Variants in INSIG1 observed in about 807,000 individuals in gnomAD.
INSIG1 encodes the protein insulin-induced gene 1 protein.
A neutral mutation model predicts 26.5 loss-of-function variants in INSIG1; 14 were observed. That is an observed-to-expected ratio of 0.53 (90% CI 0.35 to 0.83). The LOEUF (loss-of-function observed/expected upper bound fraction) is 0.83, where lower values mean the gene tolerates loss of function less well. INSIG1 is among the 40% of genes least tolerant of loss of function. The pLI, the probability that INSIG1 is intolerant of heterozygous loss-of-function variation, is 0.01. For missense variants in INSIG1, 272 were observed against 368.9 expected (o/e 0.74, Z 2.15); for synonymous variants, 147 against 153.3 (o/e 0.96, Z 0.30).
At position 155,302,610 on chromosome 7, in the gene INSIG1, C is replaced by A; in HGVS notation, c.705-137C>A. 1.1e-6 allele frequency: 1 copy of A among 889,822 alleles called. No individual in the cohort carries two copies. Among genetic ancestry groups the A allele is most frequent in the Non-Finnish European group, 1.7e-6 (1 of 572,618 alleles). 55.1% of individuals were successfully genotyped at this position (889,822 alleles called of 1,614,324 possible). The stretch of plus-strand genomic sequence containing the variant: ...AAGGAAAACCAAGTAGTAGCAGTTA[C>A]AACCAAACAAATATGAACATTCGTA... On this transcript the variant is annotated intron_variant, in intron 4 of 5. Coordinates refer to ENST00000340368, the MANE Select transcript of INSIG1 (RefSeq NM_005542.6). The surrounding 1 kb of genome is among the most constrained non-coding windows in gnomAD (Gnocchi z 4.3).
Position 155,308,450 on chromosome 7 carries a change from A to G in INSIG1, c.*180A>G, listed in dbSNP as rs1255463072. The G allele has an allele frequency of 1.3e-6, 1 of 744,906 alleles. No individual in the cohort carries two copies. The highest frequency in any genetic ancestry group is 2.3e-6 in the Non-Finnish European group (1 of 425,752). The allele number at this position is 744,906 out of a possible 1,614,324, so 46.1% of individuals were successfully genotyped here. A position where few individuals can be genotyped will look rare whatever the true frequency, so the allele number is the denominator to read the frequency against. ...ATAGGGAGGTGGAGAATGATGACTT[A>G]CCCTGAAGTCTTCCCTTGACTGCCC... On this transcript the variant is annotated 3_prime_UTR_variant, in exon 6 of 6. Coordinates refer to ENST00000340368, the MANE Select transcript of INSIG1 (RefSeq NM_005542.6).
intron 2 of INSIG1, among the ~76,000 whole-genome samples, chr7:155,299,515 G>C (rs939866157): frequency 1.3e-5 from 2 of 152,170 alleles, no homozygotes; most frequent in Admixed American, 6.5e-5. Flanking sequence ...TAACGAGCTT[G>C]TCGGGTGCTT....
At chr7:155,305,098 A>C (rs1797901655) in intron 5 of INSIG1, among the ~76,000 whole-genome samples, 1 of 148,284 alleles carries the variant, frequency 6.7e-6, no homozygotes, top group Non-Finnish European at 1.5e-5. Flanking sequence ...ATGAGCCGAG[A>C]TTGTGCCACT....
At position 155,302,688 on chromosome 7, in the gene INSIG1, A is replaced by T; in HGVS notation, c.705-59A>T. ...ATATCCCCACTACAGAGAATCTGTGATGTAGAATTGAGCCAGGTGAAATTG... is the reference window on the plus strand; with the variant it reads ...ATATCCCCACTACAGAGAATCTGTGTTGTAGAATTGAGCCAGGTGAAATTG... On this transcript the variant is annotated intron_variant, in intron 4 of 5. Transcript: ENST00000340368. This position sits in a 1 kb window ranked among gnomAD's most constrained non-coding sequence, Gnocchi z 4.3. 8.7e-7 allele frequency: 1 copy of T among 1,153,238 alleles called. No individual in the cohort carries two copies. The highest frequency in any genetic ancestry group is 1.2e-5 in the South Asian group (1 of 80,910). The allele number at this position is 1,153,238 out of a possible 1,614,324, so 71.4% of individuals were successfully genotyped here. A position where few individuals can be genotyped will look rare whatever the true frequency, so the allele number is the denominator to read the frequency against.
chr7:155,299,662 A>AT (rs1188773280), intron 2 of INSIG1, among the ~76,000 whole-genome samples: 5 of 152,248 alleles, frequency 3.3e-5, no homozygotes, highest in African/African-American at 7.2e-5. Context: ...TGCAGGGAGC[A>AT]TCCTGTTTGC....
At position 155,302,280 on chromosome 7, in the gene INSIG1, G is replaced by T; in HGVS notation, c.567G>T (p.Leu189=). Residue 189 remains leucine, a synonymous_variant, in exon 4 of 6, where the codon CTG becomes CTT. Transcript: ENST00000340368. This position sits in a 1 kb window ranked among gnomAD's most constrained non-coding sequence, Gnocchi z 4.3. ...TGGATTTTGCCAATAATGTCCAGCT[G>T]TCCTTGACTTTAGCAGCCCTATCTT... The part of the protein sequence containing the change: ...AKLDFANNVQ[L]SLTLAALSLG... 1 of 1,595,482 alleles carries T rather than the reference G, an allele frequency of 6.3e-7. No individual in the cohort carries two copies. The highest frequency in any genetic ancestry group is 1.4e-5 in the African/African-American group (1 of 73,868).
At chr7:155,301,091 G>A (rs190139364) in intron 2 of INSIG1, among the ~76,000 whole-genome samples, 1 of 152,196 alleles carries the variant, frequency 6.6e-6, no homozygotes, top group Non-Finnish European at 1.5e-5. Context: ...ATCTCATCAC[G>A]TGCCCAGCCC....
intron 5 of INSIG1, among the ~76,000 whole-genome samples, chr7:155,304,404 C>T (rs190679083): frequency 1.8e-4 from 27 of 152,266 alleles, no homozygotes; most frequent in South Asian, 1.2e-3. Flanking sequence ...ATTTTTGTTT[C>T]GGTACTCTTT....
chr7:155,300,105 A>C (rs1048354586), intron 2 of INSIG1, among the ~76,000 whole-genome samples: 2 of 152,200 alleles, frequency 1.3e-5, no homozygotes. Flanking sequence ...TTTGAGAACT[A>C]TATCTAGATT....
At chr7:155,304,454 C>G (rs1393401472) in intron 5 of INSIG1, among the ~76,000 whole-genome samples, 3 of 152,168 alleles carry the variant, frequency 2.0e-5, no homozygotes, top group Admixed American at 6.5e-5. Flanking sequence ...ATAAAATTGT[C>G]CTCAACCAGA....
chr7:155,308,196 A>T, intron 5 of INSIG1, 45 bp from the exon 6 acceptor site: 1 of 943,836 alleles, frequency 1.1e-6, no homozygotes, highest in Non-Finnish European at 1.7e-6. Context: ...TTATACATTT[A>T]GTGCTAATTT....
chr7:155,302,298 C>A lies in INSIG1; in HGVS notation c.585C>A (p.Ala195=). The change falls in exon 4 of 6, where the codon GCC becomes GCA. Residue 195 remains alanine (A), a synonymous_variant. Transcript: ENST00000340368. This position sits in a 1 kb window ranked among gnomAD's most constrained non-coding sequence, Gnocchi z 4.3. ...NNVQLSLTLA[A]LSLGLWWTFD... ...TCCAGCTGTCCTTGACTTTAGCAGCCCTATCTTTGGGCCTTTGGTGGACAT... is the reference window on the plus strand; with the variant it reads ...TCCAGCTGTCCTTGACTTTAGCAGCACTATCTTTGGGCCTTTGGTGGACAT... 6.2e-7 allele frequency: 1 copy of A among 1,604,014 alleles called. No homozygotes were observed. Among genetic ancestry groups the A allele is most frequent in the Non-Finnish European group, 8.5e-7 (1 of 1,175,866 alleles).
At chr7:155,305,971 G>A (rs997231479) in intron 5 of INSIG1, among the ~76,000 whole-genome samples, 3 of 152,072 alleles carry the variant, frequency 2.0e-5, no homozygotes, top group African/African-American at 4.8e-5. Flanking sequence ...AGCCTGTTAC[G>A]GTTTTTTTGT....
Position 155,302,526 on chromosome 7 carries a change from A to G in INSIG1, c.704+109A>G, listed in dbSNP as rs967644581. ...TTTTATTTGTTTTTTATATAGAATGATACAGATTTAGGCATGAAATTCTCA... is the reference window on the plus strand; with the variant it reads ...TTTTATTTGTTTTTTATATAGAATGGTACAGATTTAGGCATGAAATTCTCA... On this transcript the variant is annotated intron_variant, in intron 4 of 5. Coordinates refer to ENST00000340368, the MANE Select transcript of INSIG1 (RefSeq NM_005542.6). This position sits in a 1 kb window ranked among gnomAD's most constrained non-coding sequence, Gnocchi z 4.3. 2 of 1,204,268 alleles carry G rather than the reference A, an allele frequency of 1.7e-6. No individual in the cohort carries two copies. Among genetic ancestry groups the G allele is most frequent in the South Asian group, 3.4e-5 (2 of 58,406 alleles). 74.6% of individuals were successfully genotyped at this position (1,204,268 alleles called of 1,614,324 possible).
chr7:155,310,148 A>G lies in INSIG1; in HGVS notation c.*1878A>G, dbSNP rs559973880. The G allele has an allele frequency of 6.5e-6, 1 of 152,778 alleles. No individual in the cohort carries two copies. Among genetic ancestry groups the G allele is most frequent in the South Asian group, 2.1e-4 (1 of 4,828 alleles). 9.5% of individuals were successfully genotyped at this position (152,778 alleles called of 1,614,324 possible). A position where few individuals can be genotyped will look rare whatever the true frequency, so the allele number is the denominator to read the frequency against. On this transcript the variant is annotated 3_prime_UTR_variant, in exon 6 of 6. Transcript: ENST00000340368. ...AATTTGCACTCTACCAGATTTGAAC[A>G]TCTAGTGAGGTTCACATTCATACTA...
chr7:155,299,115 C>T (rs1797716390), intron 2 of INSIG1, among the ~76,000 whole-genome samples: 1 of 152,242 alleles, frequency 6.6e-6, no homozygotes, highest in African/African-American at 2.4e-5. Context: ...ACATGCTACC[C>T]TGCTGGATAA....
rs768576009 is a variant in INSIG1 at position 155,302,867 on chromosome 7, A to G, written c.804+21A>G. The G allele has an allele frequency of 6.0e-6, 9 of 1,493,426 alleles. No individual in the cohort carries two copies. In the Admixed American group the frequency reaches 1.5e-4, roughly 25 times the overall value. The allele number at this position is 1,493,426 out of a possible 1,614,324, so 92.5% of individuals were successfully genotyped here. A position where few individuals can be genotyped will look rare whatever the true frequency, so the allele number is the denominator to read the frequency against. On this transcript the variant is annotated intron_variant, in intron 5 of 5. Coordinates refer to ENST00000340368, the MANE Select transcript of INSIG1 (RefSeq NM_005542.6). The surrounding 1 kb of genome is among the most constrained non-coding windows in gnomAD (Gnocchi z 4.3). ...CTATGGTAAGTGAAATGATCATATT[A>G]TCTTCTAAAACTTGCGTCTCTTTAC...
chr7:155,303,908 G>A (rs1423191087), intron 5 of INSIG1: 6 of 1,342,682 alleles, frequency 4.5e-6, no homozygotes, highest in Non-Finnish European at 6.0e-6. Flanking sequence ...AGAATTTGCA[G>A]TCTTCCACTG....
rs1208597947 is a variant in INSIG1 at position 155,297,967 on chromosome 7, GC to G, written c.-28+10del. The G allele has an allele frequency of 8.6e-6, 2 of 231,936 alleles. No individual in the cohort carries two copies. Among genetic ancestry groups the G allele is most frequent in the Non-Finnish European group, 1.7e-5 (2 of 120,522 alleles). 14.4% of individuals were successfully genotyped at this position (231,936 alleles called of 1,614,324 possible). A position where few individuals can be genotyped will look rare whatever the true frequency, so the allele number is the denominator to read the frequency against. ...CGGGCGCCTCTCGGCCAGGTACGCGGCCGGCTGGGATAGGGGTCGCGGGCGG... is the reference window on the plus strand; with the variant it reads ...CGGGCGCCTCTCGGCCAGGTACGCGGCGGCTGGGATAGGGGTCGCGGGCGG... On this transcript the variant is annotated intron_variant, in intron 1 of 5. Coordinates refer to ENST00000340368, the MANE Select transcript of INSIG1 (RefSeq NM_005542.6).
Sources: allele counts gnomAD v4.1 joint callset (sites outside exome capture counted in the v4.1 genomes callset), GRCh38; gene constraint gnomAD v4.1.1; non-coding constraint Gnocchi (gnomAD v3.1); transcripts MANE v1.5; gene names NCBI Gene and HGNC (gene_info 2026-07-23, HGNC 2026-07-21).